Variants in CPLANE1 observed in about 807,000 individuals in gnomAD.
CPLANE1 encodes the protein ciliogenesis and planar polarity effector complex subunit 1.
In CPLANE1, 263 loss-of-function variants were observed where a neutral mutation model predicts 362.5. The observed-to-expected ratio is 0.73, with a 90% CI of 0.66 to 0.80. CPLANE1 has a LOEUF of 0.80. Ranked by LOEUF, CPLANE1 falls within the 30% of genes least tolerant of loss-of-function variation. CPLANE1 has a pLI of 0.00. For synonymous variants in CPLANE1, 1,212 were observed against 1,302.6 expected (o/e 0.93, Z 1.50); for missense variants, 3,461 against 3,793.4 (o/e 0.91, Z 2.30).
intron 34 of CPLANE1, 91 bp from the exon 35 acceptor site, chr5:37,167,304 T>A: frequency 2.0e-6 from 2 of 989,950 alleles, no homozygotes; most frequent in African/African-American, 1.6e-5. Context: ...TACATTTGTT[T>A]AAATTAAACT....
At chr5:37,087,333 C>T in the CPLANE1 span, among the ~76,000 whole-genome samples, 3 of 152,294 alleles carry the variant, frequency 2.0e-5, no homozygotes, top group South Asian at 2.1e-4. Flanking sequence ...GAGGAAATGT[C>T]GCCTGCCTTA....
chr5:37,232,670 C>A (rs1397056073), intron 8 of CPLANE1, among the ~76,000 whole-genome samples: 2 of 150,428 alleles, frequency 1.3e-5, no homozygotes, highest in African/African-American at 4.9e-5. Context: ...GACCCTGGCT[C>A]TACCAAAAAA....
intron 6 of CPLANE1, 129 bp downstream of exon 6, chr5:37,242,884 A>G (rs1800877947): frequency 1.7e-6 from 1 of 602,528 alleles, no homozygotes; most frequent in South Asian, 2.3e-5. Flanking sequence ...ACAAACCTGT[A>G]GTCACAGGTA....
rs1350514685 is a variant in CPLANE1 at position 37,206,188 on chromosome 5, A to G, written c.3149+9T>C. On this transcript the variant is annotated intron_variant, in intron 17 of 52. Transcript: ENST00000651892. ...ATACTATATCTTAAAATTGCCTAAA[A>G]ATCCATACCTCATGAAATTGCTATC... 12 of 1,534,762 alleles carry G rather than the reference A, an allele frequency of 7.8e-6. No individual in the cohort carries two copies. The highest frequency in any genetic ancestry group is 5.5e-5 in the African/African-American group (4 of 72,582).
chr5:37,126,617 C>T (rs1227200279), intron 46 of CPLANE1, among the ~76,000 whole-genome samples: 1 of 152,174 alleles, frequency 6.6e-6, no homozygotes, highest in Non-Finnish European at 1.5e-5. Flanking sequence ...TCTTCTACAG[C>T]TAATCCAACC....
chr5:37,096,279 A>G, the CPLANE1 span, among the ~76,000 whole-genome samples: 3 of 152,240 alleles, frequency 2.0e-5, no homozygotes, highest in Non-Finnish European at 4.4e-5. Flanking sequence ...GATCTTTGAC[A>G]AAGCAAACGA....
At chr5:37,083,413 G>A in the CPLANE1 span, among the ~76,000 whole-genome samples, 1 of 152,076 alleles carries the variant, frequency 6.6e-6, no homozygotes, top group Non-Finnish European at 1.5e-5. Flanking sequence ...CCAGCAATGG[G>A]CACAAACCAA....
chr5:37,103,346 T>C (rs574239234), downstream of CPLANE1, among the ~76,000 whole-genome samples: 1 of 151,786 alleles, frequency 6.6e-6, no homozygotes, highest in African/African-American at 2.4e-5. Flanking sequence ...ATTTTAATTG[T>C]GGCATTAAGT....
chr5:37,121,840 C>T (rs1481929533), intron 48 of CPLANE1, 56 bp from the exon 49 acceptor site: 2 of 1,446,578 alleles, frequency 1.4e-6, no homozygotes, highest in African/African-American at 1.4e-5. Flanking sequence ...TTCATCTATC[C>T]AGAGGGAATA....
chr5:37,097,066 C>T, the CPLANE1 span, among the ~76,000 whole-genome samples: 6 of 151,980 alleles, frequency 3.9e-5, no homozygotes, highest in South Asian at 2.1e-4. Context: ...CATAAAAACA[C>T]GGACAGGCAT....
Position 37,157,778 on chromosome 5 carries a change from C to T in CPLANE1, c.7903G>A (p.Val2635Ile). Residue 2635 changes from valine (V) to isoleucine (I), a missense_variant, in exon 40 of 53, where the codon GTT becomes ATT. Physicochemically the swap from Val to Ile is conservative, Grantham distance 29 (BLOSUM62 3). This residue lies in a region of CPLANE1 where 3,380 missense variants were observed against 3,666.1 expected (regional missense o/e 0.92). Coordinates refer to ENST00000651892, the MANE Select transcript of CPLANE1 (RefSeq NM_001384732.1). ...PVREEPSNDN[V>I]IKQQSDHLAV... ...AGATGATCGCTTTGCTGTTTGATAA[C>T]ATTATCATTTGAAGGCTCTTCTCTC... is the stretch of plus-strand genomic sequence containing the variant. The T allele has an allele frequency of 1.2e-6, 2 of 1,613,684 alleles. No individual in the cohort carries two copies. The highest frequency in any genetic ancestry group is 1.7e-6 in the Non-Finnish European group (2 of 1,179,802).
chr5:37,128,016 G>A (rs1489458411), intron 46 of CPLANE1, among the ~76,000 whole-genome samples: 1 of 151,864 alleles, frequency 6.6e-6, no homozygotes, highest in East Asian at 1.9e-4. Flanking sequence ...CCCCAGCCTG[G>A]GTGACAGAGT....
chr5:37,200,999 T>C (rs1271606671), intron 19 of CPLANE1, among the ~76,000 whole-genome samples: 2 of 152,144 alleles, frequency 1.3e-5, no homozygotes, highest in Admixed American at 6.6e-5. Context: ...AATTTTTGTA[T>C]ATTTTATAGA....
chr5:37,239,209 T>C (rs1799721253), intron 7 of CPLANE1, among the ~76,000 whole-genome samples: 1 of 152,166 alleles, frequency 6.6e-6, no homozygotes, highest in South Asian at 2.1e-4. Flanking sequence ...AAAGCCAAGT[T>C]TTGAAAGTTA....
intron 16 of CPLANE1, among the ~76,000 whole-genome samples, chr5:37,208,799 C>T (rs536074268): frequency 1.3e-5 from 2 of 149,072 alleles, no homozygotes; most frequent in African/African-American, 4.9e-5. Context: ...TAATTCTCTC[C>T]ATAACAGTTA....
At chr5:37,129,941 C>T (rs1375959684) in intron 46 of CPLANE1, among the ~76,000 whole-genome samples, 1 of 152,232 alleles carries the variant, frequency 6.6e-6, no homozygotes, top group Non-Finnish European at 1.5e-5. Context: ...GATACTTACA[C>T]ACGCATGTTT....
In CPLANE1 at chr5:37,107,415, T is replaced by A. The variant is rs1191865509; in HGVS notation, c.*187A>T. On this transcript the variant is annotated 3_prime_UTR_variant, in exon 53 of 53. Transcript: ENST00000651892. ...ACATCAATAGTCAACCCTTTCCCCA[T>A]AAAGGCAAAGTTACTGAGAAATGTT... The A allele has an allele frequency of 3.9e-6, 5 of 1,278,766 alleles. No individual in the cohort carries two copies. The highest frequency in any genetic ancestry group is 5.0e-6 in the Non-Finnish European group (5 of 1,007,910). The allele number at this position is 1,278,766 out of a possible 1,614,324, so 79.2% of individuals were successfully genotyped here.
At chr5:37,165,813 T>G in intron 35 of CPLANE1, 142 bp from the exon 36 acceptor site, 2 of 764,742 alleles carry the variant, frequency 2.6e-6, no homozygotes, top group East Asian at 2.8e-5. Context: ...TGGCAAGATA[T>G]TCTGCAAATA....
At position 37,168,876 on chromosome 5, in the gene CPLANE1, G is replaced by A. The variant is rs760859342; in HGVS notation, c.7148C>T (p.Pro2383Leu). ...TGCTATAGGTTGGATAGGTGTTGAG[G>A]GAACTGTAATAGATGCTCTTGAGGT... Reference protein sequence around the residue: ...PSTSRASITVPSTPIQPIAEE... With the variant: ...PSTSRASITVLSTPIQPIAEE... The change falls in exon 34 of 53, where the codon CCC becomes CTC. Residue 2383 changes from proline to leucine, a missense_variant. Physicochemically the swap from Pro to Leu is moderately conservative, Grantham distance 98 (BLOSUM62 -3). Coordinates refer to ENST00000651892, the MANE Select transcript of CPLANE1 (RefSeq NM_001384732.1). 1.9e-6 allele frequency: 3 copies of A among 1,613,964 alleles called. No individual in the cohort carries two copies. Among genetic ancestry groups the A allele is most frequent in the Non-Finnish European group, 2.5e-6 (3 of 1,179,966 alleles).
Sources: gnomAD v4.1 joint callset for allele counts (sites outside exome capture counted in the v4.1 genomes callset) on GRCh38, gnomAD v4.1.1 for gene constraint, gnomAD v4.1.1 regional missense constraint, MANE v1.5 for transcripts, NCBI Gene and HGNC (gene_info 2026-07-23, HGNC 2026-07-21) for gene names.